SPIN1: variants seen among roughly 807,000 people sequenced by gnomAD.
The protein encoded by SPIN1 is spindlin 1.
Under a neutral mutation model 26.0 loss-of-function variants are expected in SPIN1, and 3 were observed. The ratio of observed to expected loss-of-function variants is 0.12; its 90% confidence interval spans 0.05 to 0.30. The LOEUF (loss-of-function observed/expected upper bound fraction) is 0.30. Ranked by LOEUF, SPIN1 falls within the 10% of genes least tolerant of loss-of-function variation. The pLI is 1.00. For synonymous variants in SPIN1, 101 were observed against 116.5 expected (o/e 0.87, Z 0.86); for missense variants, 126 against 333.4 (o/e 0.38, Z 4.84).
At chr9:88,399,102 G>T (rs1170354470) in intron 1 of SPIN1, among the ~76,000 whole-genome samples, 1 of 150,928 alleles carries the variant, frequency 6.6e-6, no homozygotes, top group Non-Finnish European at 1.5e-5. Flanking sequence ...CACAATCTTG[G>T]CTCACTGCAA....
intron 2 of SPIN1, among the ~76,000 whole-genome samples, chr9:88,446,503 T>G (rs1427901732): frequency 1.3e-5 from 2 of 150,286 alleles, no homozygotes; most frequent in Non-Finnish European, 3.0e-5. Context: ...GCCTCCTGGG[T>G]TCAAGCGATT....
rs535238722 is a variant in SPIN1 at position 88,408,730 on chromosome 9, A to G, written c.-158-17652A>G. Among the ~76,000 whole-genome samples, 311 of 144,190 alleles carry G rather than the reference A, an allele frequency of 2.2e-3. 1 individual carries two copies. The highest frequency in any genetic ancestry group is 2.0e-3 in the Non-Finnish European group (131 of 66,648). 94.6% of individuals were successfully genotyped at this position (144,190 alleles called of 152,430 possible). ...CTCTTTTTGCTCAGGCTGGAGTGCA[A>G]TGGCGCGATCTCGGCTCACTGCAAC... On this transcript the variant is annotated intron_variant, in intron 1 of 5. Coordinates refer to ENST00000375859, the MANE Select transcript of SPIN1 (RefSeq NM_006717.3).
rs1255569748 is a variant in SPIN1 at position 88,395,595 on chromosome 9, G to GT, written c.-159+7059dup. 2.0e-5 allele frequency among the ~76,000 whole-genome samples: 3 copies of GT among 152,020 alleles called. No homozygotes were observed. In the East Asian group the frequency reaches 5.8e-4, roughly 29 times the overall value. ...TTTGTAGTTTTGTTAGTGTCAAAATGTTACATTTTCTTTTTAAAACTTTTT... is the reference window on the plus strand; with the variant it reads ...TTTGTAGTTTTGTTAGTGTCAAAATGTTTACATTTTCTTTTTAAAACTTTTT... On this transcript the variant is annotated intron_variant, in intron 1 of 5. Coordinates refer to ENST00000375859, the MANE Select transcript of SPIN1 (RefSeq NM_006717.3).
At chr9:88,453,204 G>C (rs1378696844) in intron 3 of SPIN1, among the ~76,000 whole-genome samples, 1 of 151,776 alleles carries the variant, frequency 6.6e-6, no homozygotes, top group Non-Finnish European at 1.5e-5. Context: ...TTCAACACAT[G>C]ACTTCAGCAC....
At chr9:88,398,738 G>A (rs1827122808) in intron 1 of SPIN1, among the ~76,000 whole-genome samples, 1 of 151,828 alleles carries the variant, frequency 6.6e-6, no homozygotes, top group South Asian at 2.1e-4. Context: ...ACCACACCCA[G>A]CTAATTTTGT....
At chr9:88,429,570 A>G (rs1176716285) in intron 2 of SPIN1, among the ~76,000 whole-genome samples, 2 of 152,182 alleles carry the variant, frequency 1.3e-5, no homozygotes, top group African/African-American at 2.4e-5. Flanking sequence ...CAGATGGAAG[A>G]AGGAGAGATG....
In SPIN1 at chr9:88,478,583, G is replaced by A. The variant is rs1828927006; in HGVS notation, c.*3306G>A. 6.6e-6 allele frequency: 1 copy of A among 152,158 alleles called. No individual in the cohort carries two copies. The highest frequency in any genetic ancestry group is 1.5e-5 in the Non-Finnish European group (1 of 68,000). The allele number at this position is 152,158 out of a possible 1,614,324, so 9.4% of individuals were successfully genotyped here. Reference sequence around the variant, plus strand: ...ATGTGTAGACAGTTCCCTGTTCTCTGCATTTAGAAGTATACACAATATAAA... The same window carrying A: ...ATGTGTAGACAGTTCCCTGTTCTCTACATTTAGAAGTATACACAATATAAA... On this transcript the variant is annotated 3_prime_UTR_variant, in exon 6 of 6. Coordinates refer to ENST00000375859, the MANE Select transcript of SPIN1 (RefSeq NM_006717.3).
chr9:88,394,591 T>C (rs1372305156), intron 1 of SPIN1, among the ~76,000 whole-genome samples: 1 of 152,140 alleles, frequency 6.6e-6, no homozygotes, highest in Non-Finnish European at 1.5e-5. Context: ...ACAGTATAAA[T>C]GTAGTTTGAA....
chr9:88,439,786 T>C (rs1156319574), intron 2 of SPIN1, among the ~76,000 whole-genome samples: 1 of 152,340 alleles, frequency 6.6e-6, no homozygotes, highest in Non-Finnish European at 1.5e-5. Flanking sequence ...TTTCTAAAAT[T>C]CATATAGCTT....
chr9:88,431,658 CTT>C (rs889550894), intron 2 of SPIN1, among the ~76,000 whole-genome samples: 2 of 152,148 alleles, frequency 1.3e-5, no homozygotes, highest in Admixed American at 6.6e-5. Context: ...TCTTTGGAAA[CTT>C]TTAGAATTGG....
At chr9:88,428,994 C>T (rs1432678662) in intron 2 of SPIN1, among the ~76,000 whole-genome samples, 2 of 152,130 alleles carry the variant, frequency 1.3e-5, no homozygotes, top group East Asian at 3.9e-4. Flanking sequence ...CTGCATCAGC[C>T]TCCCGACTAG....
intron 1 of SPIN1, chr9:88,389,257 C>G (rs1028110926): frequency 6.6e-6 from 1 of 152,242 alleles, no homozygotes; most frequent in Non-Finnish European, 1.5e-5. Flanking sequence ...TGGAGAGAGA[C>G]AGGCACTTTT....
At chr9:88,433,728 C>T (rs1465229893) in intron 2 of SPIN1, among the ~76,000 whole-genome samples, 1 of 152,150 alleles carries the variant, frequency 6.6e-6, no homozygotes, top group Non-Finnish European at 1.5e-5. Context: ...CCAGACAAGA[C>T]TGTCTGTCAT....
intron 2 of SPIN1, among the ~76,000 whole-genome samples, chr9:88,433,732 C>G (rs889799217): frequency 6.6e-6 from 1 of 152,142 alleles, no homozygotes; most frequent in African/African-American, 2.4e-5. Context: ...ACAAGACTGT[C>G]TGTCATACCA....
chr9:88,464,975 T>C (rs1385570235), intron 4 of SPIN1, among the ~76,000 whole-genome samples: 1 of 152,220 alleles, frequency 6.6e-6, no homozygotes. Context: ...ATTTGACTAT[T>C]CTAGATATCT....
intron 2 of SPIN1, among the ~76,000 whole-genome samples, chr9:88,440,911 C>G (rs1828109102): frequency 6.6e-6 from 1 of 151,578 alleles, no homozygotes; most frequent in African/African-American, 2.4e-5. Context: ...CCTTCCCCTC[C>G]CCTTTGTGTT....
chr9:88,447,877 G>A (rs781141087), intron 2 of SPIN1, among the ~76,000 whole-genome samples: 2 of 152,114 alleles, frequency 1.3e-5, no homozygotes, highest in African/African-American at 4.8e-5. Context: ...CAGGGTTCTC[G>A]TGTGTGTTTT....
intron 1 of SPIN1, among the ~76,000 whole-genome samples, chr9:88,417,738 C>T (rs1411427952): frequency 1.3e-5 from 2 of 152,130 alleles, no homozygotes; most frequent in Non-Finnish European, 2.9e-5. Context: ...CTGCAAAGTG[C>T]TGGGATTACA....
intron 1 of SPIN1, among the ~76,000 whole-genome samples, chr9:88,416,048 G>A (rs1198889578): frequency 2.0e-5 from 3 of 151,762 alleles, no homozygotes; most frequent in Admixed American, 1.3e-4. Flanking sequence ...GAGCCACCAC[G>A]CCTAGCCCAA....
Sources: allele counts gnomAD v4.1 joint callset (sites outside exome capture counted in the v4.1 genomes callset), GRCh38; gene constraint gnomAD v4.1.1; transcripts MANE v1.5; gene names NCBI Gene and HGNC (gene_info 2026-07-23, HGNC 2026-07-21).